ASIC2: variants seen among roughly 807,000 people sequenced by gnomAD.
ASIC2 encodes the protein acid sensing ion channel subunit 2.
Under a neutral mutation model 57.3 loss-of-function variants are expected in ASIC2, and 25 were observed. The ratio of observed to expected loss-of-function variants is 0.44; its 90% confidence interval spans 0.32 to 0.61. The LOEUF (loss-of-function observed/expected upper bound fraction) is 0.61, where lower values mean the gene tolerates loss of function less well. ASIC2 is among the 20% of genes least tolerant of loss of function. The probability of loss-of-function intolerance (pLI) is 0.06; values close to 1 mark genes in which losing one functional copy is unlikely to be tolerated. For synonymous variants in ASIC2, 319 were observed against 307.5 expected, an observed-to-expected ratio of 1.04 and a Z score of -0.39; for missense variants, 641 against 738.1, an observed-to-expected ratio of 0.87 and a Z score of 1.52.
At chr17:33,301,840 ATTCCCATG>A (rs1398678376) in intron 1 of ASIC2, among the ~76,000 whole-genome samples, 1 of 152,118 alleles carries the variant, frequency 6.6e-6, no homozygotes, top group Non-Finnish European at 1.5e-5. Context: ...TTCTCCATTC[ATTCCCATG>A]TTCTCACATC....
chr17:34,024,517 C>CGAAAA (rs1907299963), intron 1 of ASIC2, among the ~76,000 whole-genome samples: 1 of 152,228 alleles, frequency 6.6e-6, no homozygotes, highest in South Asian at 2.1e-4. Flanking sequence ...GGGCTGTTTT[C>CGAAAA]TTTCCATTTA....
chr17:34,018,794 CAT>C lies in ASIC2; in HGVS notation c.555+137182_555+137183del, dbSNP rs374032456. ...CATCTTTCTAAGGTTTAAGAAGAATCATAAAGTTACTTCACTGTAGTTCTCAC... is the reference window on the plus strand; with the variant it reads ...CATCTTTCTAAGGTTTAAGAAGAATCAAAGTTACTTCACTGTAGTTCTCAC... On this transcript the variant is annotated intron_variant, in intron 1 of 9. Coordinates refer to the ASIC2 transcript ENST00000359872. 3.4e-3 allele frequency among the ~76,000 whole-genome samples: 514 copies of C among 152,304 alleles called. 3 individuals are homozygous for C. In the Middle Eastern group the frequency reaches 0.034, roughly 10 times the overall value.
At chr17:33,281,594 A>G (rs965616631) in intron 1 of ASIC2, among the ~76,000 whole-genome samples, 1 of 152,258 alleles carries the variant, frequency 6.6e-6, no homozygotes, top group Non-Finnish European at 1.5e-5. Context: ...TTCGCAAATG[A>G]GGAAACAAAA....
chr17:34,151,528 C>G (rs1387127146), intron 1 of ASIC2, among the ~76,000 whole-genome samples: 3 of 152,044 alleles, frequency 2.0e-5, no homozygotes, highest in Admixed American at 6.5e-5. Flanking sequence ...AGTGAGCTTC[C>G]TAGAGTTGAG....
chr17:33,205,133 G>C (rs537274575), intron 1 of ASIC2, among the ~76,000 whole-genome samples: 4 of 152,344 alleles, frequency 2.6e-5, no homozygotes, highest in South Asian at 2.1e-4. Flanking sequence ...TGTGGAGTCT[G>C]CAGTTTCCTC....
At chr17:34,028,215 C>A (rs1267091162) in intron 1 of ASIC2, among the ~76,000 whole-genome samples, 4 of 152,102 alleles carry the variant, frequency 2.6e-5, no homozygotes, top group African/African-American at 9.7e-5. Flanking sequence ...TTTGTGAGAG[C>A]TCCATTAGGT....
chr17:34,138,317 A>G (rs960805876), intron 1 of ASIC2, among the ~76,000 whole-genome samples: 16 of 152,198 alleles, frequency 1.1e-4, no homozygotes, highest in African/African-American at 3.9e-4. Flanking sequence ...ATGCTCAGTA[A>G]ATGTTTTACC....
intron 1 of ASIC2, among the ~76,000 whole-genome samples, chr17:33,150,417 G>A (rs1904737473): frequency 6.6e-6 from 1 of 152,144 alleles, no homozygotes; most frequent in Non-Finnish European, 1.5e-5. Flanking sequence ...GCCTCCAAAG[G>A]AATGCTCAAA....
At chr17:34,040,256 G>T (rs1401341835) in intron 1 of ASIC2, among the ~76,000 whole-genome samples, 3 of 149,156 alleles carry the variant, frequency 2.0e-5, no homozygotes, top group Non-Finnish European at 3.0e-5. Flanking sequence ...GGCGCGGAGG[G>T]CGGGGGTGTC....
At chr17:34,000,299 TG>T (rs1906297545) in intron 1 of ASIC2, among the ~76,000 whole-genome samples, 1 of 145,556 alleles carries the variant, frequency 6.9e-6, no homozygotes, top group South Asian at 2.2e-4. Context: ...TTGACCAGGC[TG>T]GAGTGCAATG....
At chr17:33,186,727 C>T (rs1003208943) in intron 1 of ASIC2, among the ~76,000 whole-genome samples, 1 of 152,122 alleles carries the variant, frequency 6.6e-6, no homozygotes, top group Non-Finnish European at 1.5e-5. Context: ...CAAAGCTGAT[C>T]CTCTTACAAC....
intron 1 of ASIC2, among the ~76,000 whole-genome samples, chr17:33,418,496 T>C (rs1324231093): frequency 6.6e-6 from 1 of 152,212 alleles, no homozygotes; most frequent in Non-Finnish European, 1.5e-5. Context: ...GTTTTTATGG[T>C]TTTAGGTCTT....
chr17:33,792,041 T>C (rs1056173026), intron 1 of ASIC2: 6 of 151,992 alleles, frequency 3.9e-5, no homozygotes, highest in Admixed American at 2.6e-4. Flanking sequence ...AATTTCTGGG[T>C]TCAAGTGATC....
chr17:33,360,898 C>T (rs1908576798), intron 1 of ASIC2, among the ~76,000 whole-genome samples: 1 of 152,180 alleles, frequency 6.6e-6, no homozygotes, highest in South Asian at 2.1e-4. Flanking sequence ...AGCTCAGCTA[C>T]AGCAGGGACC....
chr17:33,200,179 A>T (rs1906802779), intron 1 of ASIC2, among the ~76,000 whole-genome samples: 1 of 152,194 alleles, frequency 6.6e-6, no homozygotes, highest in East Asian at 1.9e-4. Flanking sequence ...CAATAACTGC[A>T]TTACACTGAA....
chr17:33,258,593 G>A (rs1388320587), intron 1 of ASIC2, among the ~76,000 whole-genome samples: 1 of 152,210 alleles, frequency 6.6e-6, no homozygotes, highest in African/African-American at 2.4e-5. Context: ...TGAGGTGGTA[G>A]TAGAGGTGAG....
At chr17:33,161,511 C>T (rs1194415178) in intron 1 of ASIC2, among the ~76,000 whole-genome samples, 1 of 152,200 alleles carries the variant, frequency 6.6e-6, no homozygotes, top group East Asian at 1.9e-4. Flanking sequence ...CACTCTTCCA[C>T]ATCACTGTAT....
At chr17:33,014,687 C>T (rs958882186) in intron 9 of ASIC2, among the ~76,000 whole-genome samples, 4 of 151,984 alleles carry the variant, frequency 2.6e-5, no homozygotes, top group East Asian at 3.9e-4. Context: ...AGCAGGGCAC[C>T]GCTAGCCAGG....
intron 1 of ASIC2, among the ~76,000 whole-genome samples, chr17:33,115,457 C>G (rs2092277337): frequency 6.6e-6 from 1 of 152,228 alleles, no homozygotes; most frequent in Non-Finnish European, 1.5e-5. Flanking sequence ...CCCTGACACA[C>G]TTTCTCCCTG....
Sources: gnomAD v4.1 joint callset for allele counts (sites outside exome capture counted in the v4.1 genomes callset) on GRCh38, gnomAD v4.1.1 for gene constraint, MANE v1.5 for transcripts, NCBI Gene and HGNC (gene_info 2026-07-23, HGNC 2026-07-21) for gene names.